The following NRG1 variants were observed in gnomAD, a reference collection of about 807,000 sequenced individuals.
NRG1 encodes the protein pro-neuregulin-1, membrane-bound isoform.
NRG1 carries 18 observed loss-of-function variants against 63.8 expected under a neutral mutation model. The observed-to-expected ratio is 0.28, with a 90% CI of 0.19 to 0.42. NRG1 has a LOEUF of 0.42. Ranked by LOEUF, NRG1 falls within the 10% of genes least tolerant of loss-of-function variation. The probability of loss-of-function intolerance (pLI) is 1.00; values close to 1 mark genes in which losing one functional copy is unlikely to be tolerated. For synonymous variants in NRG1, 302 were observed against 301.3 expected, an observed-to-expected ratio of 1.00 and a Z score of -0.02; for missense variants, 762 against 814.7, an observed-to-expected ratio of 0.94 and a Z score of 0.79.
chr8:31,691,234 A>C (rs1809468154), intron 1 of NRG1, among the ~76,000 whole-genome samples: 1 of 152,222 alleles, frequency 6.6e-6, no homozygotes, highest in African/African-American at 2.4e-5. Context: ...TGTAGAATAA[A>C]TTAAAAGGTG....
chr8:31,738,376 A>C (rs551277145), intron 1 of NRG1, among the ~76,000 whole-genome samples: 2 of 152,210 alleles, frequency 1.3e-5, no homozygotes, highest in African/African-American at 4.8e-5. Flanking sequence ...GTCTATCACT[A>C]CTTAATGCAT....
At chr8:32,507,067 G>T (rs1423347643) in intron 1 of NRG1, among the ~76,000 whole-genome samples, 1 of 152,082 alleles carries the variant, frequency 6.6e-6, no homozygotes, top group Non-Finnish European at 1.5e-5. Context: ...AACCTGGCAT[G>T]GTTTTTGCCC....
At chr8:32,244,839 G>T (rs902628426) in intron 1 of NRG1, among the ~76,000 whole-genome samples, 1 of 152,174 alleles carries the variant, frequency 6.6e-6, no homozygotes, top group Admixed American at 6.5e-5. Flanking sequence ...TAGAGATCAG[G>T]CTCCTTAAAA....
At chr8:32,242,853 A>G (rs761436235) in intron 1 of NRG1, among the ~76,000 whole-genome samples, 3 of 152,162 alleles carry the variant, frequency 2.0e-5, no homozygotes, top group Non-Finnish European at 2.9e-5. Flanking sequence ...TATATTGCTC[A>G]AGGTTATCCA....
At chr8:32,737,842 A>G (rs1825475732) in intron 6 of NRG1, among the ~76,000 whole-genome samples, 1 of 151,590 alleles carries the variant, frequency 6.6e-6, no homozygotes, top group Non-Finnish European at 1.5e-5. Context: ...ACGCCCAACC[A>G]GTTTTTTTAT....
intron 1 of NRG1, among the ~76,000 whole-genome samples, chr8:31,866,845 A>G (rs1053438195): frequency 6.6e-6 from 1 of 152,146 alleles, no homozygotes; most frequent in Non-Finnish European, 1.5e-5. Flanking sequence ...AAAGTGCAGG[A>G]TAAGTGAATT....
chr8:32,452,728 T>C (rs1411929140), intron 1 of NRG1, among the ~76,000 whole-genome samples: 22 of 152,186 alleles, frequency 1.4e-4, no homozygotes, highest in Non-Finnish European at 2.5e-4. Context: ...CTACTGTGAG[T>C]CCAAAAGAAT....
chr8:32,170,722 T>C (rs1407798489), intron 1 of NRG1, among the ~76,000 whole-genome samples: 1 of 152,224 alleles, frequency 6.6e-6, no homozygotes, highest in Non-Finnish European at 1.5e-5. Flanking sequence ...AAAGAAGGTT[T>C]CATTAAGATG....
At chr8:32,438,175 G>A (rs1010858773) in intron 1 of NRG1, among the ~76,000 whole-genome samples, 2 of 152,110 alleles carry the variant, frequency 1.3e-5, no homozygotes, top group Non-Finnish European at 2.9e-5. Flanking sequence ...TTGTAGCTAC[G>A]TCTACTTCCT....
intron 5 of NRG1, among the ~76,000 whole-genome samples, chr8:32,643,426 A>G (rs1435094729): frequency 6.6e-6 from 1 of 152,172 alleles, no homozygotes; most frequent in African/African-American, 2.4e-5. Flanking sequence ...GGGAAGCTCA[A>G]GCCACAAGGA....
intron 1 of NRG1, among the ~76,000 whole-genome samples, chr8:31,998,582 G>T (rs1251069090): frequency 1.3e-5 from 2 of 152,004 alleles, no homozygotes; most frequent in African/African-American, 4.8e-5. Flanking sequence ...CTCATTGAAT[G>T]CAAACTTTCA....
chr8:32,354,712 GTAAATAAA>G (rs10569340), intron 1 of NRG1, among the ~76,000 whole-genome samples: 45,468 of 142,246 alleles, frequency 0.32, 7,619 homozygotes, highest in Non-Finnish European at 0.37. Context: ...CTTGTCTCTA[GTAAATAAA>G]TAAATAAATA....
At chr8:32,629,193 G>C (rs890762255) in intron 5 of NRG1, among the ~76,000 whole-genome samples, 1 of 152,092 alleles carries the variant, frequency 6.6e-6, no homozygotes, top group African/African-American at 2.4e-5. Flanking sequence ...TCCAATCAAG[G>C]AGTAAAATCA....
At chr8:32,197,050 C>A (rs1236963675) in intron 1 of NRG1, among the ~76,000 whole-genome samples, 1 of 146,952 alleles carries the variant, frequency 6.8e-6, no homozygotes, top group Non-Finnish European at 1.5e-5. Flanking sequence ...ACCTTCGCCT[C>A]CCGGGTTCAA....
chr8:32,388,902 C>T (rs367822814), intron 1 of NRG1, among the ~76,000 whole-genome samples: 1 of 152,216 alleles, frequency 6.6e-6, no homozygotes, highest in East Asian at 1.9e-4. Context: ...GTTAAATGTA[C>T]CCATATGGCT....
intron 1 of NRG1, among the ~76,000 whole-genome samples, chr8:31,983,623 GT>G (rs1160103120): frequency 1.3e-5 from 2 of 151,978 alleles, no homozygotes; most frequent in Non-Finnish European, 2.9e-5. Context: ...TTCATGTGAT[GT>G]GCTCTGCTGG....
chr8:32,463,575 G>C (rs886924894), intron 1 of NRG1, among the ~76,000 whole-genome samples: 1 of 152,120 alleles, frequency 6.6e-6, no homozygotes, highest in Admixed American at 6.5e-5. Flanking sequence ...GGGTGCAGTG[G>C]CTTATGCCTG....
intron 1 of NRG1, among the ~76,000 whole-genome samples, chr8:32,221,426 C>T (rs1369432153): frequency 3.3e-5 from 5 of 152,174 alleles, no homozygotes; most frequent in African/African-American, 7.2e-5. Flanking sequence ...TTTTGCAAGA[C>T]TGTGTTGCCT....
chr8:31,972,584 G>A (rs1807478886), intron 1 of NRG1, among the ~76,000 whole-genome samples: 1 of 151,910 alleles, frequency 6.6e-6, no homozygotes, highest in South Asian at 2.1e-4. Context: ...TTCATTTTTA[G>A]GACCCCAATG....
Sources: gnomAD v4.1 joint callset for allele counts (sites outside exome capture counted in the v4.1 genomes callset) on GRCh38, gnomAD v4.1.1 for gene constraint, MANE v1.5 for transcripts, NCBI Gene and HGNC (gene_info 2026-07-23, HGNC 2026-07-21) for gene names.